EEF1G: variants seen among roughly 807,000 people sequenced by gnomAD.
EEF1G encodes the protein eukaryotic translation elongation factor 1 gamma.
Under a neutral mutation model 58.3 loss-of-function variants are expected in EEF1G, and 14 were observed. That is an observed-to-expected ratio of 0.24 (90% confidence interval 0.16 to 0.38). The LOEUF (loss-of-function observed/expected upper bound fraction) is 0.38, where lower values mean the gene tolerates loss of function less well. Among genes scored for constraint, EEF1G ranks in the 10% least tolerant of loss-of-function variants. EEF1G has a pLI of 1.00. For synonymous variants in EEF1G, 180 were observed against 206.8 expected (o/e 0.87, Z 1.11); for missense variants, 322 against 550.1 (o/e 0.59, Z 4.15).
chr11:62,572,005 T>G, intron 2 of EEF1G, 104 bp from the exon 3 acceptor site: 1 of 974,304 alleles, frequency 1.0e-6, no homozygotes, highest in South Asian at 1.4e-5. Context: ...AGGCTGATGA[T>G]TCTCACTATC....
chr11:62,559,901 C>T, intron 9 of EEF1G, 64 bp from the exon 10 acceptor site: 2 of 1,611,300 alleles, frequency 1.2e-6, no homozygotes, highest in South Asian at 1.1e-5. Flanking sequence ...GTGTTACTTC[C>T]AGCTCAAACA....
At position 62,567,297 on chromosome 11, in the gene EEF1G, AGGTC is replaced by A. The variant is rs112781948; in HGVS notation, c.652+98_652+101del. On this transcript the variant is annotated intron_variant, in intron 6 of 9. Transcript: ENST00000329251. Reference sequence around the variant, plus strand: ...ACCACATTGACACCCTACATTCTGCAGGTCCCCATAACCCAAAAGCAAGACAGGA... The same window carrying A: ...ACCACATTGACACCCTACATTCTGCACCCATAACCCAAAAGCAAGACAGGA... 176 of 1,438,810 alleles carry A rather than the reference AGGTC, an allele frequency of 1.2e-4. 3 individuals carry two copies. In the African/African-American group the frequency reaches 2.0e-3, roughly 16 times the overall value. 89.1% of individuals were successfully genotyped at this position (1,438,810 alleles called of 1,614,324 possible).
intron 5 of EEF1G, among the ~76,000 whole-genome samples, chr11:62,569,085 G>GCACA (rs58533891): frequency 0.22 from 32,098 of 149,278 alleles, 3,954 homozygotes; most frequent in Non-Finnish European, 0.3. Flanking sequence ...ATACACACAC[G>GCACA]CACACACACA....
chr11:62,571,448 T>C (rs906624865), intron 4 of EEF1G, 92 bp downstream of exon 4: 2 of 1,471,262 alleles, frequency 1.4e-6, no homozygotes, highest in African/African-American at 2.8e-5. Context: ...ATCCTTGGCA[T>C]CTTTTTTTCA....
intron 7 of EEF1G, among the ~76,000 whole-genome samples, chr11:62,564,890 A>T (rs1255889193): frequency 6.6e-6 from 1 of 151,240 alleles, no homozygotes; most frequent in Non-Finnish European, 1.5e-5. Flanking sequence ...ACACGGTGAA[A>T]CTCCGTCTCT....
At chr11:62,569,748 T>G (rs1941604233) in intron 5 of EEF1G, among the ~76,000 whole-genome samples, 1 of 152,204 alleles carries the variant, frequency 6.6e-6, no homozygotes, top group Non-Finnish European at 1.5e-5. Context: ...ACTTAGTAGA[T>G]TCACTCACTA....
rs756230318 is a variant in EEF1G, at chr11:62,560,215, T to C, written c.1031-22A>G. The C allele has an allele frequency of 1.9e-6, 3 of 1,614,014 alleles. No individual in the cohort carries two copies. The South Asian group carries it at 3.3e-5, about 18-fold the overall frequency. Reference sequence around the variant, plus strand: ...ATTCCTGAAGCGGCAAGGGAGAACATTCAGCCTTTGGAATCACAGCACTTG... The same window carrying C: ...ATTCCTGAAGCGGCAAGGGAGAACACTCAGCCTTTGGAATCACAGCACTTG... On this transcript the variant is annotated intron_variant, in intron 8 of 9. Coordinates refer to ENST00000329251, the MANE Select transcript of EEF1G (RefSeq NM_001404.5).
rs200332655 is a variant in EEF1G, at chr11:62,560,851, G to C, written c.858-397C>G. Among the ~76,000 whole-genome samples the C allele has an allele frequency of 5.6e-4, 85 of 152,216 alleles. 1 individual carries two copies. The East Asian group carries it at 0.015, about 27-fold the overall frequency. ...CCCCCCCACCATACAGGCCTCTTCA[G>C]GTTACACAAGCTGTAACAGGAATGT... On this transcript the variant is annotated intron_variant, in intron 7 of 9. Transcript: ENST00000329251.
intron 7 of EEF1G, among the ~76,000 whole-genome samples, chr11:62,564,210 C>T (rs1372403096): frequency 6.6e-6 from 1 of 152,206 alleles, no homozygotes; most frequent in Non-Finnish European, 1.5e-5. Flanking sequence ...CGCCTGTAAT[C>T]CCAGCATTTT....
intron 1 of EEF1G, 109 bp from the exon 2 acceptor site, chr11:62,572,851 T>C (rs913522478): frequency 1.9e-5 from 20 of 1,067,142 alleles, no homozygotes; most frequent in Non-Finnish European, 2.5e-5. Flanking sequence ...AACTCACCCT[T>C]TTACTTCCTC....
At chr11:62,573,693 T>C in intron 1 of EEF1G, 138 bp downstream of exon 1, 1 of 1,259,830 alleles carries the variant, frequency 7.9e-7, no homozygotes, top group Non-Finnish European at 1.1e-6. Flanking sequence ...GGAACCCTAC[T>C]CTCCAGCAGT....
chr11:62,571,506 T>C (rs777007598), intron 4 of EEF1G, 34 bp downstream of exon 4: 88 of 1,572,796 alleles, frequency 5.6e-5, no homozygotes, highest in Non-Finnish European at 1.7e-6. Context: ...ATGCCACCCC[T>C]GCCCCTGGCT....
chr11:62,567,315 A>C (rs546840095), intron 6 of EEF1G, 84 bp downstream of exon 6: 1 of 1,498,304 alleles, frequency 6.7e-7, no homozygotes, highest in South Asian at 1.4e-5. Context: ...ATAACCCAAA[A>C]GCAAGACAGG....
intron 7 of EEF1G, among the ~76,000 whole-genome samples, chr11:62,562,545 G>C (rs569424285): frequency 3.3e-5 from 5 of 151,942 alleles, no homozygotes; most frequent in Non-Finnish European, 7.4e-5. Context: ...GCAGTGGTGC[G>C]ATCTCGGCTC....
chr11:62,569,973 G>A (rs1313546030), intron 5 of EEF1G, among the ~76,000 whole-genome samples: 1 of 152,008 alleles, frequency 6.6e-6, no homozygotes. Context: ...AGGACTAAAG[G>A]AATTCACCCG....
Position 62,573,812 on chromosome 11 carries a change from C to T in EEF1G, c.12+19G>A. On this transcript the variant is annotated intron_variant, in intron 1 of 9. Transcript: ENST00000329251. ...GCGGTGGATAGGATGACCCGAACCA[C>T]CAGAGCCAGCAAACTTACCCCAGCC... 1 of 1,613,614 alleles carries T rather than the reference C, an allele frequency of 6.2e-7. No homozygotes were observed. Among genetic ancestry groups the T allele is most frequent in the South Asian group, 1.1e-5 (1 of 91,082 alleles).
intron 5 of EEF1G, among the ~76,000 whole-genome samples, chr11:62,567,729 G>C (rs1030963216): frequency 3.4e-5 from 5 of 146,170 alleles, no homozygotes; most frequent in African/African-American, 1.3e-4. Flanking sequence ...TTTTGAGACA[G>C]AGTCTCACTC....
chr11:62,560,559 G>T, intron 7 of EEF1G, 105 bp from the exon 8 acceptor site: 3 of 1,318,584 alleles, frequency 2.3e-6, no homozygotes, highest in Non-Finnish European at 3.1e-6. Context: ...AAAGGAAATG[G>T]TCATTGTGCT....
In EEF1G at chr11:62,567,384, TCTC is replaced by T. The variant is rs762212809; in HGVS notation, c.652+12_652+14del. 6.2e-7 allele frequency: 1 copy of T among 1,601,458 alleles called. No homozygotes were observed. Among genetic ancestry groups the T allele is most frequent in the Non-Finnish European group, 8.5e-7 (1 of 1,174,580 alleles). ...CTGATCCTGGCCATATGCCTCCCAG[TCTC>T]CTCAGACTCACCATCAAACTGGGCC... On this transcript the variant is annotated intron_variant, in intron 6 of 9. Coordinates refer to ENST00000329251, the MANE Select transcript of EEF1G (RefSeq NM_001404.5).
Sources: allele counts gnomAD v4.1 joint callset (sites outside exome capture counted in the v4.1 genomes callset), GRCh38; gene constraint gnomAD v4.1.1; transcripts MANE v1.5; gene names NCBI Gene and HGNC (gene_info 2026-07-23, HGNC 2026-07-21).